TG: variants seen among roughly 807,000 people sequenced by gnomAD.
TG encodes the protein thyroid hormones.
In TG, 270 loss-of-function variants were observed where a neutral mutation model predicts 324.7. That is an observed-to-expected ratio of 0.83 (90% CI 0.75 to 0.92). TG has a LOEUF of 0.92. Among genes scored for constraint, TG ranks in the 40% least tolerant of loss-of-function variants. The pLI, the probability that TG is intolerant of heterozygous loss-of-function variation, is 0.00. For synonymous variants in TG, 1,401 were observed against 1,327.0 expected (o/e 1.06, Z -1.21); for missense variants, 3,591 against 3,456.4 (o/e 1.04, Z -0.98).
At chr8:133,130,737 G>C (rs923705124) in intron 45 of TG, among the ~76,000 whole-genome samples, 3 of 152,168 alleles carry the variant, frequency 2.0e-5, no homozygotes, top group African/African-American at 4.8e-5. Flanking sequence ...GACATTGTCA[G>C]ATAGTAATTT....
At chr8:133,132,062 C>G in intron 46 of TG, 116 bp downstream of exon 46, 1 of 1,485,476 alleles carries the variant, frequency 6.7e-7, no homozygotes, top group Non-Finnish European at 9.3e-7. Flanking sequence ...TCCGTAGACA[C>G]TATAATCACC....
intron 41 of TG, chr8:133,040,227 T>A: frequency 7.4e-7 from 1 of 1,356,418 alleles, no homozygotes; most frequent in Non-Finnish European, 1.0e-6. Context: ...GCTCCCTGGC[T>A]GCTGCCATGG....
At chr8:133,000,869 C>A (rs563142677) in intron 35 of TG, among the ~76,000 whole-genome samples, 1 of 152,270 alleles carries the variant, frequency 6.6e-6, no homozygotes, top group South Asian at 2.1e-4. Context: ...CAAAGTACCA[C>A]GAACTGGGTA....
intron 41 of TG, among the ~76,000 whole-genome samples, chr8:133,079,366 G>A (rs1845400887): frequency 6.6e-6 from 1 of 152,244 alleles, no homozygotes; most frequent in East Asian, 1.9e-4. Context: ...GAGTCACTCA[G>A]TTAAGTACTA....
intron 43 of TG, among the ~76,000 whole-genome samples, chr8:133,101,000 G>A (rs187479198): frequency 7.9e-5 from 12 of 152,134 alleles, no homozygotes; most frequent in South Asian, 2.1e-4. Context: ...GAGGTTTACC[G>A]GGTGTCTCTA....
At chr8:132,968,279 T>C (rs1828926248) in intron 31 of TG, among the ~76,000 whole-genome samples, 1 of 152,252 alleles carries the variant, frequency 6.6e-6, no homozygotes, top group African/African-American at 2.4e-5. Flanking sequence ...ATTCTTCTTT[T>C]AAAAGTAAAG....
intron 41 of TG, among the ~76,000 whole-genome samples, chr8:133,071,509 T>C (rs115242406): frequency 6.6e-6 from 1 of 152,210 alleles, no homozygotes; most frequent in African/African-American, 2.4e-5. Context: ...ATTCAGTAGG[T>C]GGATTGATAG....
intron 37 of TG, among the ~76,000 whole-genome samples, chr8:133,016,111 G>C (rs1415854518): frequency 6.6e-6 from 1 of 152,000 alleles, no homozygotes; most frequent in Non-Finnish European, 1.5e-5. Flanking sequence ...CATTTCATAG[G>C]CAGAAAGACT....
chr8:132,924,764 A>C (rs141937039), intron 22 of TG, among the ~76,000 whole-genome samples: 1 of 152,310 alleles, frequency 6.6e-6, no homozygotes, highest in East Asian at 1.9e-4. Context: ...TTCGTCTGTA[A>C]AATGGAGACA....
intron 41 of TG, among the ~76,000 whole-genome samples, chr8:133,061,860 G>T (rs1124527): frequency 0.25 from 37,917 of 152,032 alleles, 5,680 homozygotes; most frequent in East Asian, 0.56. Flanking sequence ...GGTCTGCACT[G>T]CTCCATAATT....
intron 41 of TG, among the ~76,000 whole-genome samples, chr8:133,042,653 G>T (rs1838473746): frequency 7.2e-6 from 1 of 138,858 alleles, no homozygotes; most frequent in Non-Finnish European, 1.5e-5. Flanking sequence ...CAAACCCCTG[G>T]TGCACAATTC....
intron 41 of TG, among the ~76,000 whole-genome samples, chr8:133,063,078 C>G (rs1443176760): frequency 6.6e-6 from 1 of 152,192 alleles, no homozygotes; most frequent in Non-Finnish European, 1.5e-5. Context: ...GCAGAACTAA[C>G]TCTGAAACCA....
chr8:133,119,065 C>T (rs757428646), intron 45 of TG, among the ~76,000 whole-genome samples: 6 of 152,152 alleles, frequency 3.9e-5, no homozygotes, highest in Admixed American at 2.0e-4. Flanking sequence ...GGGAGTGTGG[C>T]CCTGCTGTCA....
chr8:132,928,976 C>T (rs542824689), intron 22 of TG, 100 bp from the exon 23 acceptor site: 102 of 940,218 alleles, frequency 1.1e-4, no homozygotes, highest in East Asian at 7.0e-4. Flanking sequence ...CCAAGAGCTA[C>T]GAATGGGTAT....
intron 45 of TG, among the ~76,000 whole-genome samples, chr8:133,121,128 T>A (rs1851110182): frequency 6.6e-6 from 1 of 152,134 alleles, no homozygotes; most frequent in Non-Finnish European, 1.5e-5. Flanking sequence ...CCAGTGACCC[T>A]CCTGGCACAG....
At position 132,882,614 on chromosome 8, in the gene TG, T is replaced by G. The variant is rs377652873; in HGVS notation, c.889+2T>G. On this transcript the variant is annotated splice_donor_variant, in intron 7 of 47. Transcript: ENST00000220616. LOFTEE classifies it high-confidence loss of function. ...CAGTCATCTCTGGCAGATTCCGATG[T>G]AAGTAATAAACTGCCAACAATGTGC... 6.2e-7 allele frequency: 1 copy of G among 1,614,108 alleles called. No homozygotes were observed. The highest frequency in any genetic ancestry group is 1.3e-5 in the African/African-American group (1 of 74,938).
chr8:132,948,855 C>G lies in TG; in HGVS notation c.5313C>G (p.Ala1771=). 2 of 1,614,108 alleles carry G rather than the reference C, an allele frequency of 1.2e-6. No homozygotes were observed. Among genetic ancestry groups the G allele is most frequent in the Non-Finnish European group, 1.7e-6 (2 of 1,180,030 alleles). Residue 1771 remains alanine (A), a synonymous_variant, in exon 27 of 48, where the codon GCC becomes GCG. Coordinates refer to ENST00000220616, the MANE Select transcript of TG (RefSeq NM_003235.5). ...AAGACTGGATGGATCCCTCTGAAGCCTGGGCTAATGCTACATGTCCTGGTG... is the reference window on the plus strand; with the variant it reads ...AAGACTGGATGGATCCCTCTGAAGCGTGGGCTAATGCTACATGTCCTGGTG... The part of the protein sequence containing the change: ...NVKDWMDPSE[A]WANATCPGVT...
In TG at chr8:133,095,167, C is replaced by T. The variant is rs201444172; in HGVS notation, c.7363C>T (p.Arg2455Cys). 2.6e-4 allele frequency: 426 copies of T among 1,614,184 alleles called. 2 individuals carry two copies. The highest frequency in any genetic ancestry group is 1.1e-3 in the Admixed American group (68 of 60,020). Residue 2455 changes from arginine (R) to cysteine (C), a missense_variant, in exon 42 of 48, where the codon CGC (arginine) becomes TGC (cysteine). Arg to Cys is a radical substitution (Grantham distance 180, BLOSUM62 -3). Coordinates refer to ENST00000220616, the MANE Select transcript of TG (RefSeq NM_003235.5). ...CAGCCAAGAAGTGGTGTCCTGCCTC[C>T]GCCAGAAGCCTGCCAATGTCCTCAA... ...SSSQEVVSCL[R>C]QKPANVLNDA...
At chr8:132,915,507 G>A (rs1820164110) in intron 20 of TG, among the ~76,000 whole-genome samples, 1 of 152,272 alleles carries the variant, frequency 6.6e-6, no homozygotes. Context: ...CAGGGCACGG[G>A]GCTTCCGAGG....
Sources: allele counts gnomAD v4.1 joint callset (sites outside exome capture counted in the v4.1 genomes callset), GRCh38; gene constraint gnomAD v4.1.1; transcripts MANE v1.5; gene names NCBI Gene and HGNC (gene_info 2026-07-23, HGNC 2026-07-21).